TENM2: variants seen among roughly 807,000 people sequenced by gnomAD.
TENM2 encodes the protein teneurin-2.
TENM2 carries 52 observed loss-of-function variants against 245.2 expected under a neutral mutation model. The observed-to-expected ratio is 0.21, with a 90% CI of 0.17 to 0.27. The LOEUF is 0.27. Ranked by LOEUF, TENM2 falls within the 10% of genes least tolerant of loss-of-function variation. TENM2 has a pLI of 1.00. For synonymous variants in TENM2, 1,363 were observed against 1,438.9 expected, an observed-to-expected ratio of 0.95 and a Z score of 1.19; for missense variants, 3,046 against 3,666.8, an observed-to-expected ratio of 0.83 and a Z score of 4.37.
the TENM2 span, among the ~76,000 whole-genome samples, chr5:167,166,440 G>A: frequency 6.6e-6 from 1 of 152,194 alleles, no homozygotes; most frequent in Non-Finnish European, 1.5e-5. Context: ...TAGGCTGGAT[G>A]TGGGACTCTC....
At chr5:168,193,225 T>C (rs893586669) in intron 14 of TENM2, among the ~76,000 whole-genome samples, 2 of 152,156 alleles carry the variant, frequency 1.3e-5, no homozygotes, top group Non-Finnish European at 2.9e-5. Context: ...CTCCAAGACA[T>C]AGGTTGAAGT....
intron 2 of TENM2, among the ~76,000 whole-genome samples, chr5:167,745,355 C>T (rs929644059): frequency 1.4e-4 from 22 of 152,186 alleles, no homozygotes; most frequent in Non-Finnish European, 2.4e-4. Context: ...AATGTTGGCT[C>T]TGCCATCTCT....
At chr5:167,378,276 T>A (rs1251867985) in intron 2 of TENM2, among the ~76,000 whole-genome samples, 1 of 152,116 alleles carries the variant, frequency 6.6e-6, no homozygotes, top group African/African-American at 2.4e-5. Flanking sequence ...CCTAGATCAA[T>A]GTTGATTGTG....
intron 5 of TENM2, among the ~76,000 whole-genome samples, chr5:168,023,595 A>C (rs1156281153): frequency 6.6e-6 from 1 of 152,182 alleles, no homozygotes; most frequent in Non-Finnish European, 1.5e-5. Context: ...TGTCGGAAAA[A>C]CAATAAAATC....
chr5:167,387,631 T>G (rs1158048112), intron 2 of TENM2, among the ~76,000 whole-genome samples: 1 of 152,178 alleles, frequency 6.6e-6, no homozygotes, highest in Non-Finnish European at 1.5e-5. Context: ...TTTTCCCCAT[T>G]CAGTATTATG....
chr5:167,070,946 T>C, the TENM2 span, among the ~76,000 whole-genome samples: 3 of 152,214 alleles, frequency 2.0e-5, no homozygotes, highest in Admixed American at 2.0e-4. Flanking sequence ...TTTTTTACTA[T>C]AGATAATTCT....
intron 3 of TENM2, among the ~76,000 whole-genome samples, chr5:167,880,949 T>G (rs1255994759): frequency 6.6e-6 from 1 of 152,192 alleles, no homozygotes. Context: ...GCAGATGTTC[T>G]GTGTTACAGA....
At chr5:167,740,924 G>A (rs551385848) in intron 2 of TENM2, among the ~76,000 whole-genome samples, 9 of 152,218 alleles carry the variant, frequency 5.9e-5, no homozygotes, top group East Asian at 3.9e-4. Context: ...CCCTGCAGAC[G>A]TGCCAAGCTC....
intron 2 of TENM2, among the ~76,000 whole-genome samples, chr5:167,602,368 A>G (rs1455064586): frequency 6.6e-6 from 1 of 152,194 alleles, no homozygotes; most frequent in Non-Finnish European, 1.5e-5. Flanking sequence ...GCAAGACAGA[A>G]CGATGACGTG....
chr5:167,762,683 A>G (rs559752473), intron 2 of TENM2, among the ~76,000 whole-genome samples: 190 of 152,292 alleles, frequency 1.2e-3, no homozygotes, highest in African/African-American at 4.3e-3. Flanking sequence ...TACCACCACA[A>G]CTTACTCAAT....
At chr5:167,698,679 G>GTTTTTTTTT (rs1225922111) in intron 2 of TENM2, among the ~76,000 whole-genome samples, 93 of 97,730 alleles carry the variant, frequency 9.5e-4, no homozygotes, top group Non-Finnish European at 1.2e-3. Flanking sequence ...TTTGTTTTTT[G>GTTTTTTTTT]TTTTTTTTTT....
the TENM2 span, among the ~76,000 whole-genome samples, chr5:167,080,017 A>G: frequency 6.6e-6 from 1 of 152,246 alleles, no homozygotes; most frequent in African/African-American, 2.4e-5. Context: ...ACTGAAGTTC[A>G]GACAGACAGC....
intron 2 of TENM2, among the ~76,000 whole-genome samples, chr5:167,552,951 A>AATGAATG (rs1562049429): frequency 8.6e-6 from 1 of 116,130 alleles, no homozygotes; most frequent in Non-Finnish European, 1.9e-5. Flanking sequence ...ATGAATGAAT[A>AATGAATG]AGTGAGACAT....
chr5:168,224,288 T>C (rs930573381), intron 23 of TENM2, among the ~76,000 whole-genome samples: 2 of 152,188 alleles, frequency 1.3e-5, no homozygotes, highest in African/African-American at 2.4e-5. Flanking sequence ...CCTGGGGCCC[T>C]GGGCGAGTGA....
chr5:167,712,561 A>G (rs1454107979), intron 2 of TENM2, among the ~76,000 whole-genome samples: 4 of 152,124 alleles, frequency 2.6e-5, no homozygotes, highest in Non-Finnish European at 4.4e-5. Context: ...TTTTTGTTTT[A>G]TAGGGAAGAA....
the TENM2 span, among the ~76,000 whole-genome samples, chr5:167,015,704 A>G: frequency 2.4e-4 from 36 of 152,294 alleles, no homozygotes; most frequent in African/African-American, 7.7e-4. Flanking sequence ...AAGGATACCA[A>G]CATTAACCAT....
intron 9 of TENM2, among the ~76,000 whole-genome samples, chr5:168,099,308 G>A (rs954246581): frequency 2.0e-5 from 3 of 152,112 alleles, no homozygotes; most frequent in African/African-American, 7.2e-5. Flanking sequence ...GCAGTTGAGT[G>A]CACTTGCTGC....
At chr5:168,111,559 C>T (rs551055799) in intron 9 of TENM2, among the ~76,000 whole-genome samples, 29 of 152,272 alleles carry the variant, frequency 1.9e-4, no homozygotes, top group African/African-American at 7.0e-4. Context: ...CTCTCCTTCC[C>T]TACATACACA....
At chr5:168,062,017 A>G in intron 6 of TENM2, 43 bp from the exon 9 acceptor site, 2 of 1,541,754 alleles carry the variant, frequency 1.3e-6, no homozygotes, top group South Asian at 2.4e-5. Flanking sequence ...CAACTAATCT[A>G]TACACGTCAT....
Sources: gnomAD v4.1 joint callset for allele counts (sites outside exome capture counted in the v4.1 genomes callset) on GRCh38, gnomAD v4.1.1 for gene constraint, MANE v1.5 for transcripts, NCBI Gene and HGNC (gene_info 2026-07-23, HGNC 2026-07-21) for gene names.